Variants in ADGRL2 observed in about 807,000 individuals in gnomAD.
ADGRL2 encodes calcium-independent alpha-latrotoxin receptor 2.
In ADGRL2, 44 loss-of-function variants were observed where a neutral mutation model predicts 157.4. The ratio of observed to expected loss-of-function variants is 0.28; its 90% confidence interval spans 0.22 to 0.36. The LOEUF (loss-of-function observed/expected upper bound fraction) is 0.36, where lower values mean the gene tolerates loss of function less well. Among genes scored for constraint, ADGRL2 ranks in the 10% least tolerant of loss-of-function variants. The pLI, the probability that ADGRL2 is intolerant of heterozygous loss-of-function variation, is 1.00. For missense variants in ADGRL2, 1,510 were observed against 1,768.9 expected, an observed-to-expected ratio of 0.85 and a Z score of 2.63; for synonymous variants, 585 against 624.7, an observed-to-expected ratio of 0.94 and a Z score of 0.95.
At chr1:81,911,310 A>G (rs2094715958) in intron 3 of ADGRL2, among the ~76,000 whole-genome samples, 1 of 152,040 alleles carries the variant, frequency 6.6e-6, no homozygotes, top group South Asian at 2.1e-4. Context: ...CTTTAAAGAT[A>G]ATTGTTGGGG....
At chr1:81,552,717 T>G (rs2080181696) in intron 2 of ADGRL2, among the ~76,000 whole-genome samples, 1 of 151,946 alleles carries the variant, frequency 6.6e-6, no homozygotes, top group African/African-American at 2.4e-5. Flanking sequence ...AGCTGTTAAT[T>G]TTCACATATT....
chr1:81,966,529 G>A lies in ADGRL2; in HGVS notation c.2269G>A (p.Val757Ile), dbSNP rs1553207690. The change falls in exon 13 of 24, where the codon GTC becomes ATC. Residue 757 changes from valine to isoleucine, a missense_variant. By Grantham distance (29) the Val-to-Ile change is conservative. This residue lies in a region of ADGRL2 where 497 missense variants were observed against 627.2 expected (regional missense o/e 0.79). Transcript: ENST00000686636. ...RNSTIAVNSH[V>I]ISVSINKESS... ...TAGCACCATTGCAGTGAACTCTCAC[G>A]TCATTTCAGTTTCAATCAATAAAGA... 3.7e-6 allele frequency: 6 copies of A among 1,613,980 alleles called. No individual in the cohort carries two copies. The highest frequency in any genetic ancestry group is 3.4e-6 in the Non-Finnish European group (4 of 1,179,942).
At chr1:81,446,635 A>G (rs1322285430) in intron 2 of ADGRL2, among the ~76,000 whole-genome samples, 3 of 152,198 alleles carry the variant, frequency 2.0e-5, no homozygotes, top group Non-Finnish European at 4.4e-5. Flanking sequence ...AAAAGAAAAT[A>G]ACACCCAGGG....
At chr1:81,903,168 CCATATACT>C (rs1287375014) in intron 2 of ADGRL2, among the ~76,000 whole-genome samples, 2 of 152,032 alleles carry the variant, frequency 1.3e-5, no homozygotes, top group African/African-American at 4.8e-5. Flanking sequence ...CAAGACTGAC[CCATATACT>C]CATACTTCAG....
intron 1 of ADGRL2, among the ~76,000 whole-genome samples, chr1:81,419,055 C>T (rs964494473): frequency 3.3e-5 from 5 of 152,094 alleles, no homozygotes; most frequent in Non-Finnish European, 7.4e-5. Context: ...GGTTGCAGAC[C>T]AAGCAGCAGA....
rs563346192 is a variant in ADGRL2 at position 81,679,813 on chromosome 1, G to A, written c.-142-81998G>A. Among the ~76,000 whole-genome samples the A allele has an allele frequency of 3.3e-5, 5 of 152,166 alleles. No individual in the cohort carries two copies. The South Asian group carries it at 8.3e-4, about 25-fold the overall frequency. On this transcript the variant is annotated intron_variant, in intron 3 of 24. Transcript: ENST00000370721. ...TTTACTTCTGAATTTGGGGCCAATG[G>A]GATTTTAATTTAGTTAGTAATTTGT...
upstream of ADGRL2, among the ~76,000 whole-genome samples, chr1:81,798,383 T>C (rs761275881): frequency 2.6e-5 from 4 of 152,050 alleles, no homozygotes; most frequent in Non-Finnish European, 5.9e-5. Flanking sequence ...GTATTACCTC[T>C]AAAGAATAAA....
intron 1 of ADGRL2, among the ~76,000 whole-genome samples, chr1:81,425,302 C>T (rs368418024): frequency 2.0e-5 from 3 of 152,232 alleles, no homozygotes; most frequent in East Asian, 3.9e-4. Context: ...ACTCTAAACT[C>T]TCATTTTCTT....
At chr1:81,803,085 G>A (rs917160990) in intron 1 of ADGRL2, among the ~76,000 whole-genome samples, 7 of 152,094 alleles carry the variant, frequency 4.6e-5, no homozygotes, top group Non-Finnish European at 1.0e-4. Context: ...CGGAGTGTAT[G>A]CTGCTGGAGT....
chr1:81,940,638 G>T (rs1288403879), intron 4 of ADGRL2, among the ~76,000 whole-genome samples: 1 of 151,470 alleles, frequency 6.6e-6, no homozygotes, highest in African/African-American at 2.4e-5. Context: ...TAATCTTGAT[G>T]AATTATTGTA....
intron 2 of ADGRL2, among the ~76,000 whole-genome samples, chr1:81,503,999 G>T (rs1452148729): frequency 6.6e-6 from 1 of 152,120 alleles, no homozygotes; most frequent in African/African-American, 2.4e-5. Context: ...CTACTGTTAG[G>T]TTCCTGGGGT....
At chr1:81,646,954 TTAAG>T (rs1469936457) in intron 3 of ADGRL2, among the ~76,000 whole-genome samples, 2 of 152,200 alleles carry the variant, frequency 1.3e-5, no homozygotes, top group South Asian at 2.1e-4. Context: ...GCTGTAATTA[TTAAG>T]TAAGTCAACA....
chr1:81,526,928 G>A (rs1401793701), intron 2 of ADGRL2, among the ~76,000 whole-genome samples: 1 of 152,144 alleles, frequency 6.6e-6, no homozygotes, highest in Non-Finnish European at 1.5e-5. Flanking sequence ...CCTATTTGAG[G>A]GAATAGTATT....
Position 81,759,264 on chromosome 1 carries a change from T to C in ADGRL2, c.-142-2547T>C, listed in dbSNP as rs527871559. On this transcript the variant is annotated intron_variant, in intron 1 of 20. Transcript: ENST00000359929. ...GAAAATATTACTAGACACTACTAAG[T>C]GGTGATTGAAAAAACATGCTGAAAT... Among the ~76,000 whole-genome samples, 4 of 152,166 alleles carry C rather than the reference T, an allele frequency of 2.6e-5. No homozygotes were observed. In the East Asian group the frequency reaches 7.7e-4, roughly 29 times the overall value.
chr1:81,571,589 G>T (rs908697693), intron 2 of ADGRL2, among the ~76,000 whole-genome samples: 5 of 151,482 alleles, frequency 3.3e-5, no homozygotes, highest in African/African-American at 1.2e-4. Flanking sequence ...ATAAAATATT[G>T]TACAATTTTA....
intron 3 of ADGRL2, among the ~76,000 whole-genome samples, chr1:81,639,175 T>C (rs368399344): frequency 6.6e-5 from 10 of 152,284 alleles, no homozygotes; most frequent in East Asian, 5.8e-4. Context: ...GTTCAAGCCA[T>C]TCTCCTGCCT....
intron 3 of ADGRL2, among the ~76,000 whole-genome samples, chr1:81,694,761 G>A (rs534937044): frequency 2.0e-5 from 3 of 152,182 alleles, no homozygotes; most frequent in South Asian, 4.1e-4. Flanking sequence ...ATGAATTACT[G>A]TAATGCTACT....
intron 17 of ADGRL2, among the ~76,000 whole-genome samples, chr1:81,974,532 T>C (rs957926257): frequency 6.6e-6 from 1 of 152,162 alleles, no homozygotes; most frequent in Non-Finnish European, 1.5e-5. Context: ...GATACAAGTA[T>C]AGCTTTAGAG....
At chr1:81,987,947 C>T (rs748776712) in intron 23 of ADGRL2, 61 bp downstream of exon 23, 37 of 311,174 alleles carry the variant, frequency 1.2e-4, no homozygotes, top group Non-Finnish European at 2.1e-4. Flanking sequence ...TGATTTTTAA[C>T]GGGCACAATT....
Sources: allele counts gnomAD v4.1 joint callset (sites outside exome capture counted in the v4.1 genomes callset), GRCh38; gene constraint gnomAD v4.1.1; regional missense constraint gnomAD v4.1.1; transcripts MANE v1.5; gene names NCBI Gene and HGNC (gene_info 2026-07-23, HGNC 2026-07-21).